DLG2: variants seen among roughly 807,000 people sequenced by gnomAD.
DLG2 encodes discs large MAGUK scaffold protein 2.
In DLG2, 45 loss-of-function variants were observed where a neutral mutation model predicts 132.5. The ratio of observed to expected loss-of-function variants is 0.34; its 90% CI spans 0.27 to 0.44. The LOEUF is 0.44. Ranked by LOEUF, DLG2 falls within the 20% of genes least tolerant of loss-of-function variation. The probability of loss-of-function intolerance (pLI) is 1.00; values close to 1 mark genes in which losing one functional copy is unlikely to be tolerated. For synonymous variants in DLG2, 424 were observed against 419.6 expected (o/e 1.01, Z -0.13); for missense variants, 1,045 against 1,196.9 (o/e 0.87, Z 1.87).
intron 14 of DLG2, among the ~76,000 whole-genome samples, chr11:83,953,050 T>A (rs1362815556): frequency 6.6e-6 from 1 of 152,174 alleles, no homozygotes; most frequent in Non-Finnish European, 1.5e-5. Flanking sequence ...CAGTTATAGT[T>A]TGCCCCATTA....
At chr11:83,941,888 A>G (rs1363047513) in intron 14 of DLG2, among the ~76,000 whole-genome samples, 1 of 152,192 alleles carries the variant, frequency 6.6e-6, no homozygotes, top group South Asian at 2.1e-4. Flanking sequence ...TAAATTTCAC[A>G]TTGGATATTA....
chr11:83,582,262 G>T (rs1474434066), intron 19 of DLG2, among the ~76,000 whole-genome samples: 1 of 152,026 alleles, frequency 6.6e-6, no homozygotes, highest in African/African-American at 2.4e-5. Flanking sequence ...GCTGACTTTG[G>T]AATCTTTGCC....
chr11:85,060,112 A>T lies in DLG2; in HGVS notation c.357+51549T>A, dbSNP rs536305467. Among the ~76,000 whole-genome samples, 10 of 151,570 alleles carry T rather than the reference A, an allele frequency of 6.6e-5. No individual in the cohort carries two copies. The East Asian group carries it at 1.9e-3, about 30-fold the overall frequency. On this transcript the variant is annotated intron_variant, in intron 6 of 27. Transcript: ENST00000376104. ...AAACTCACCATTTCCCTCTCTCTCCAGCCCCTGGCAACCACCATTTTACTT... is the reference window on the plus strand; with the variant it reads ...AAACTCACCATTTCCCTCTCTCTCCTGCCCCTGGCAACCACCATTTTACTT...
chr11:83,897,191 G>A (rs1461224660), intron 15 of DLG2, among the ~76,000 whole-genome samples: 2 of 152,160 alleles, frequency 1.3e-5, no homozygotes, highest in Non-Finnish European at 2.9e-5. Flanking sequence ...TCAATGTGGT[G>A]GATACATCCA....
At chr11:84,819,365 T>C (rs1377956831) in intron 6 of DLG2, among the ~76,000 whole-genome samples, 1 of 151,918 alleles carries the variant, frequency 6.6e-6, no homozygotes, top group Non-Finnish European at 1.5e-5. Flanking sequence ...TTCCAGTGCA[T>C]GTCAGCAGTG....
chr11:85,506,009 A>C (rs2093923284), intron 3 of DLG2, among the ~76,000 whole-genome samples: 1 of 152,100 alleles, frequency 6.6e-6, no homozygotes, highest in Admixed American at 6.6e-5. Context: ...ATTTGCATAG[A>C]GGTGTTTATA....
At chr11:84,066,620 G>T (rs1401878092) in intron 10 of DLG2, among the ~76,000 whole-genome samples, 1 of 152,114 alleles carries the variant, frequency 6.6e-6, no homozygotes, top group Admixed American at 6.5e-5. Context: ...AATTAGCCAC[G>T]CATGGTGGCA....
chr11:84,100,704 A>G (rs1436709212), intron 9 of DLG2, among the ~76,000 whole-genome samples: 1 of 152,096 alleles, frequency 6.6e-6, no homozygotes, highest in Non-Finnish European at 1.5e-5. Flanking sequence ...TTGGGTAAAA[A>G]GAGATGAGGA....
At chr11:84,507,004 A>G (rs991147751) in intron 7 of DLG2, among the ~76,000 whole-genome samples, 3 of 152,224 alleles carry the variant, frequency 2.0e-5, no homozygotes, top group Admixed American at 6.5e-5. Flanking sequence ...TCCTTTTATT[A>G]TAGCTTAGTT....
At chr11:84,603,529 T>C (rs992959291) in intron 6 of DLG2, among the ~76,000 whole-genome samples, 1 of 151,892 alleles carries the variant, frequency 6.6e-6, no homozygotes, top group Admixed American at 6.6e-5. Flanking sequence ...TTAGGATAAC[T>C]GTGGAAGAAA....
chr11:84,490,259 A>T (rs1446446836), intron 7 of DLG2, among the ~76,000 whole-genome samples: 1 of 152,154 alleles, frequency 6.6e-6, no homozygotes, highest in African/African-American at 2.4e-5. Context: ...AGTGCCTAAG[A>T]CATCTGGTTA....
chr11:84,382,499 G>A (rs191098587), intron 7 of DLG2, among the ~76,000 whole-genome samples: 95 of 152,230 alleles, frequency 6.2e-4, no homozygotes, highest in African/African-American at 2.2e-3. Flanking sequence ...CGAATGAGAC[G>A]TTAAATGATA....
rs1033581016 is a variant in DLG2 at position 85,000,172 on chromosome 11, TA to T, written c.357+111488del. Among the ~76,000 whole-genome samples the T allele has an allele frequency of 5.0e-4, 76 of 152,276 alleles. 1 individual carries two copies. Among genetic ancestry groups the T allele is most frequent in the African/African-American group, 1.7e-3 (70 of 41,570 alleles). On this transcript the variant is annotated intron_variant, in intron 6 of 27. Coordinates refer to ENST00000376104, the MANE Select transcript of DLG2 (RefSeq NM_001142699.3). ...AAACAAGTCAGCAATGTATGTCAGG[TA>T]AAGAGTGTGTGCTCATTATAAGCCT... is the stretch of plus-strand genomic sequence containing the variant.
At chr11:85,400,474 C>A (rs1168868438) in intron 3 of DLG2, among the ~76,000 whole-genome samples, 1 of 149,256 alleles carries the variant, frequency 6.7e-6, no homozygotes, top group Admixed American at 6.7e-5. Flanking sequence ...TATAAAGACA[C>A]ATGCACACGT....
At chr11:84,206,051 AT>A (rs2096660958) in intron 8 of DLG2, among the ~76,000 whole-genome samples, 2 of 152,122 alleles carry the variant, frequency 1.3e-5, no homozygotes, top group Admixed American at 1.3e-4. Context: ...TATTATCAAC[AT>A]TTCTATGCTA....
chr11:84,647,806 C>A (rs2099676775), intron 6 of DLG2, among the ~76,000 whole-genome samples: 1 of 152,086 alleles, frequency 6.6e-6, no homozygotes, highest in Non-Finnish European at 1.5e-5. Context: ...ATTTATTACC[C>A]AAATTGGTGT....
intron 17 of DLG2, among the ~76,000 whole-genome samples, chr11:83,817,039 T>C (rs2049185057): frequency 6.6e-6 from 1 of 152,174 alleles, no homozygotes; most frequent in South Asian, 2.1e-4. Context: ...ATCTACTGAC[T>C]TAAAATAGTA....
At chr11:84,623,938 C>A (rs914654364) in intron 6 of DLG2, among the ~76,000 whole-genome samples, 2 of 152,172 alleles carry the variant, frequency 1.3e-5, no homozygotes, top group Non-Finnish European at 2.9e-5. Context: ...CTAAAGTAGT[C>A]CAGTGATTGC....
chr11:84,425,491 T>A (rs1452919578), intron 7 of DLG2, among the ~76,000 whole-genome samples: 1 of 152,170 alleles, frequency 6.6e-6, no homozygotes, highest in Non-Finnish European at 1.5e-5. Flanking sequence ...TTCTTACTTG[T>A]GTATTACAAA....
Sources: allele counts gnomAD v4.1 joint callset (sites outside exome capture counted in the v4.1 genomes callset), GRCh38; gene constraint gnomAD v4.1.1; transcripts MANE v1.5; gene names NCBI Gene and HGNC (gene_info 2026-07-23, HGNC 2026-07-21).